Variants in MECR observed in about 807,000 individuals in gnomAD.
MECR encodes the protein enoyl-[acyl-carrier-protein] reductase, mitochondrial.
Under a neutral mutation model 49.1 loss-of-function variants are expected in MECR, and 37 were observed. That is an observed-to-expected ratio of 0.75 (90% CI 0.58 to 0.99). MECR has a LOEUF of 0.99. Ranked by LOEUF, MECR falls within the 50% of genes least tolerant of loss-of-function variation. The probability of loss-of-function intolerance (pLI) is 0.00; values close to 1 mark genes in which losing one functional copy is unlikely to be tolerated. For synonymous variants in MECR, 198 were observed against 191.1 expected, an observed-to-expected ratio of 1.04 and a Z score of -0.30; for missense variants, 470 against 479.6, an observed-to-expected ratio of 0.98 and a Z score of 0.19.
chr1:29,201,539 C>A lies in MECR; in HGVS notation c.756+404G>T. 2.2e-6 allele frequency: 1 copy of A among 458,770 alleles called. No homozygotes were observed. The highest frequency in any genetic ancestry group is 4.8e-4 in the Middle Eastern group (1 of 2,088). The allele number at this position is 458,770 out of a possible 1,614,324, so 28.4% of individuals were successfully genotyped here. ...CTAATCTGTAAAACAGATAACAGTT[C>A]CTTTGAAAAGCTTTTGTGGAAATCA... On this transcript the variant is annotated intron_variant, in intron 6 of 9. Coordinates refer to ENST00000263702, the MANE Select transcript of MECR (RefSeq NM_016011.5). This position sits in a 1 kb window ranked among gnomAD's most constrained non-coding sequence, Gnocchi z 4.3.
chr1:29,195,649 C>A (rs1673787449), intron 9 of MECR, among the ~76,000 whole-genome samples: 1 of 152,174 alleles, frequency 6.6e-6, no homozygotes, highest in Non-Finnish European at 1.5e-5. Flanking sequence ...GAATTTGAAC[C>A]CAGGCAGGCT....
the MECR span, among the ~76,000 whole-genome samples, chr1:29,177,893 A>ATTTTTTTTTTTTTT: frequency 1.1e-5 from 1 of 93,636 alleles, no homozygotes; most frequent in African/African-American, 4.4e-5. Flanking sequence ...ATTACACAAG[A>ATTTTTTTTTTTTTT]TTTTTTTTTT....
the MECR span, among the ~76,000 whole-genome samples, chr1:29,176,414 CATG>C: frequency 6.6e-6 from 1 of 151,324 alleles, no homozygotes; most frequent in Non-Finnish European, 1.5e-5. Context: ...TAATCCCTCT[CATG>C]ATTAAGAATA....
the MECR span, among the ~76,000 whole-genome samples, chr1:29,182,549 A>G: frequency 4.8e-5 from 7 of 144,352 alleles, no homozygotes; most frequent in Non-Finnish European, 7.6e-5. Context: ...AATCCAACCT[A>G]TTTTTTTTTT....
At chr1:29,173,130 C>CTTTTTTTTTTTTTTTTTT in the MECR span, 1 of 78,558 alleles carries the variant, frequency 1.3e-5, no homozygotes, top group Non-Finnish European at 2.3e-5. Context: ...GTCAAAAAGG[C>CTTTTTTTTTTTTTTTTTT]TTTTTTTTTT....
At chr1:29,223,975 C>T (rs1681421412) in intron 1 of MECR, 1 of 152,184 alleles carries the variant, frequency 6.6e-6, no homozygotes, top group Admixed American at 6.5e-5. Context: ...GGACTCCCAC[C>T]ATTCAGGACT....
chr1:29,201,949 G>T lies in MECR; in HGVS notation c.750C>A (p.Phe250Leu), dbSNP rs747419633. 5 of 1,613,564 alleles carry T rather than the reference G, an allele frequency of 3.1e-6. No individual in the cohort carries two copies. ...TGTCCCTCTTCCTAGGTACCTTAAA[G>T]AAGTTTTTCATTTCGGGCCTTCTTA... ...EELRRPEMKNFFKDMPQPRLA... is the reference protein window; with the variant it reads ...EELRRPEMKNLFKDMPQPRLA... Residue 250 changes from phenylalanine (F) to leucine (L), a missense_variant, in exon 6 of 10, where the codon TTC becomes TTA. Transcript: ENST00000263702. The surrounding 1 kb of genome is among the most constrained non-coding windows in gnomAD (Gnocchi z 4.3).
the MECR span, among the ~76,000 whole-genome samples, chr1:29,168,187 TG>T: frequency 8.0e-5 from 10 of 124,494 alleles, no homozygotes; most frequent in South Asian, 2.4e-4. Flanking sequence ...GCAAATTTTT[TG>T]TAATTTTTTT....
At position 29,194,167 on chromosome 1, in the gene MECR, T is replaced by A. The variant is rs770132628; in HGVS notation, c.977A>T (p.Glu326Val). ...KKDHSPDQFK[E>V]LILTLCDLIR... ...GAGATCGCACAGTGTGAGGATCAGC[T>A]CCTTGAACTGGTCTGCGGGAGGTTG... The change falls in exon 10 of 10, where the codon GAG (glutamate) becomes GTG (valine). Residue 326 changes from glutamate (E) to valine (V), a missense_variant. Transcript: ENST00000263702. 6.2e-7 allele frequency: 1 copy of A among 1,608,076 alleles called. No individual in the cohort carries two copies. Among genetic ancestry groups the A allele is most frequent in the Non-Finnish European group, 8.5e-7 (1 of 1,177,214 alleles).
At chr1:29,210,898 T>G (rs78931275) in intron 3 of MECR, among the ~76,000 whole-genome samples, 1 of 152,346 alleles carries the variant, frequency 6.6e-6, no homozygotes, top group Non-Finnish European at 1.5e-5. Context: ...CTATGCCTAG[T>G]ACACAGTGGG....
At chr1:29,223,070 G>A (rs1681160758) in intron 1 of MECR, 1 of 982,496 alleles carries the variant, frequency 1.0e-6, no homozygotes, top group Non-Finnish European at 1.2e-6. Flanking sequence ...AGGAAACAGT[G>A]GCTATGTTTT....
intron 3 of MECR, among the ~76,000 whole-genome samples, chr1:29,211,523 C>T (rs576881143): frequency 6.6e-5 from 10 of 152,310 alleles, no homozygotes; most frequent in African/African-American, 2.4e-4. Context: ...AAAAATTTGC[C>T]AACTCCTGAT....
chr1:29,224,064 A>C (rs1040365358), intron 1 of MECR: 1 of 152,222 alleles, frequency 6.6e-6, no homozygotes, highest in African/African-American at 2.4e-5. Flanking sequence ...GTTTCTACCC[A>C]GTTGGCAAAG....
chr1:29,182,224 A>C, the MECR span, among the ~76,000 whole-genome samples: 1 of 152,174 alleles, frequency 6.6e-6, no homozygotes, highest in Non-Finnish European at 1.5e-5. Flanking sequence ...TCGGAGCTGG[A>C]GCTTTGGAAT....
chr1:29,189,743 A>C (rs1202028899), downstream of MECR, among the ~76,000 whole-genome samples: 1 of 152,018 alleles, frequency 6.6e-6, no homozygotes, highest in African/African-American at 2.4e-5. Context: ...TCCCTCCTCC[A>C]AACTGTCCTC....
chr1:29,217,718 C>T (rs1439340687), intron 1 of MECR, among the ~76,000 whole-genome samples: 1 of 152,138 alleles, frequency 6.6e-6, no homozygotes, highest in Non-Finnish European at 1.5e-5. Flanking sequence ...CTTGGAAATC[C>T]CAGGCTAGCT....
At chr1:29,215,471 G>A (rs191996459) in intron 3 of MECR, among the ~76,000 whole-genome samples, 125 of 152,184 alleles carry the variant, frequency 8.2e-4, no homozygotes, top group African/African-American at 2.9e-3. Context: ...CCAGCTACTC[G>A]GGAGGCTGAG....
chr1:29,174,507 C>A, the MECR span, among the ~76,000 whole-genome samples: 1 of 151,876 alleles, frequency 6.6e-6, no homozygotes, highest in Non-Finnish European at 1.5e-5. Context: ...TACTATGTAG[C>A]CATTAGAAAC....
chr1:29,195,188 T>C (rs1481710071), intron 9 of MECR, among the ~76,000 whole-genome samples: 1 of 152,184 alleles, frequency 6.6e-6, no homozygotes, highest in Non-Finnish European at 1.5e-5. Context: ...ATAAGGCCTC[T>C]GTAACCTGGT....
Sources: allele counts gnomAD v4.1 joint callset (sites outside exome capture counted in the v4.1 genomes callset), GRCh38; gene constraint gnomAD v4.1.1; non-coding constraint Gnocchi (gnomAD v3.1); transcripts MANE v1.5; gene names NCBI Gene and HGNC (gene_info 2026-07-23, HGNC 2026-07-21).